Variants in SCAF8 observed in about 807,000 individuals in gnomAD.
SCAF8 encodes the protein SR-related and CTD-associated factor 8.
A neutral mutation model predicts 140.5 loss-of-function variants in SCAF8; 23 were observed. The observed-to-expected ratio is 0.16, with a 90% CI of 0.12 to 0.23. The LOEUF (loss-of-function observed/expected upper bound fraction) is 0.23. Ranked by LOEUF, SCAF8 falls within the 10% of genes least tolerant of loss-of-function variation. SCAF8 has a pLI of 1.00. For missense variants in SCAF8, 1,397 were observed against 1,555.7 expected (o/e 0.90, Z 1.72); for synonymous variants, 575 against 528.9 (o/e 1.09, Z -1.20).
chr6:154,765,165 T>C (rs1450758753), intron 1 of SCAF8, among the ~76,000 whole-genome samples: 1 of 152,218 alleles, frequency 6.6e-6, no homozygotes, highest in East Asian at 1.9e-4. Context: ...TTAGTTATAG[T>C]GTCATTCATA....
At chr6:154,785,450 C>A (rs1424192979) in intron 3 of SCAF8, among the ~76,000 whole-genome samples, 1 of 152,194 alleles carries the variant, frequency 6.6e-6, no homozygotes, top group Admixed American at 6.5e-5. Flanking sequence ...TTACTCTCTT[C>A]CTCGCAATGC....
At chr6:154,800,545 A>T (rs953131538) in intron 6 of SCAF8, among the ~76,000 whole-genome samples, 1 of 151,588 alleles carries the variant, frequency 6.6e-6, no homozygotes, top group Admixed American at 6.6e-5. Flanking sequence ...GGACTTTTTA[A>T]TGTTGAAGTC....
In SCAF8 at chr6:154,733,427, C is replaced by T. The variant is rs1200292696; in HGVS notation, c.-474C>T. On this transcript the variant is annotated 5_prime_UTR_variant, in exon 1 of 20. Coordinates refer to ENST00000367178, the MANE Select transcript of SCAF8 (RefSeq NM_014892.5). ...GACTCGAGTCCGCCATATTGGATGC[C>T]GCAGCCGCTGCTGCCAGCGCTTCCT... The T allele has an allele frequency of 1.8e-5, 25 of 1,403,034 alleles. No homozygotes were observed. The highest frequency in any genetic ancestry group is 2.0e-5 in the Non-Finnish European group (22 of 1,078,584). 86.9% of individuals were successfully genotyped at this position (1,403,034 alleles called of 1,614,324 possible).
At chr6:154,739,487 T>A (rs140689932) in intron 1 of SCAF8, among the ~76,000 whole-genome samples, 202 of 152,360 alleles carry the variant, frequency 1.3e-3, no homozygotes, top group Middle Eastern at 3.4e-3. Flanking sequence ...TTTCTCTTGC[T>A]GCTCTGAATA....
intron 12 of SCAF8, among the ~76,000 whole-genome samples, chr6:154,812,571 AG>A (rs1778128694): frequency 6.6e-6 from 1 of 152,160 alleles, no homozygotes; most frequent in Non-Finnish European, 1.5e-5. Context: ...ATTCAAAAGC[AG>A]TATCAATTTC....
chr6:154,751,547 C>G (rs1390149230), intron 1 of SCAF8, among the ~76,000 whole-genome samples: 1 of 152,028 alleles, frequency 6.6e-6, no homozygotes, highest in Non-Finnish European at 1.5e-5. Flanking sequence ...AATTTTAGAC[C>G]TGAAAGACAT....
chr6:154,790,703 G>A (rs1273604605), intron 4 of SCAF8, among the ~76,000 whole-genome samples: 1 of 151,426 alleles, frequency 6.6e-6, no homozygotes, highest in African/African-American at 2.4e-5. Context: ...GTAGAGACTG[G>A]GTTTCACCAT....
chr6:154,747,158 A>G (rs904150614), intron 1 of SCAF8, among the ~76,000 whole-genome samples: 1 of 152,166 alleles, frequency 6.6e-6, no homozygotes, highest in Non-Finnish European at 1.5e-5. Context: ...GTAGAGTATT[A>G]GTAAATATTT....
intron 3 of SCAF8, among the ~76,000 whole-genome samples, chr6:154,787,124 G>A (rs771234255): frequency 6.6e-6 from 1 of 152,234 alleles, no homozygotes; most frequent in Non-Finnish European, 1.5e-5. Flanking sequence ...GGAGATCTAG[G>A]CAGGAGGATT....
At chr6:154,823,974 T>C (rs1778492504) in intron 16 of SCAF8, among the ~76,000 whole-genome samples, 1 of 152,174 alleles carries the variant, frequency 6.6e-6, no homozygotes, top group Non-Finnish European at 1.5e-5. Flanking sequence ...TATTCAGTGT[T>C]GAACTAGGTG....
At chr6:154,770,369 T>C (rs1776702039) in intron 1 of SCAF8, among the ~76,000 whole-genome samples, 1 of 146,372 alleles carries the variant, frequency 6.8e-6, no homozygotes, top group African/African-American at 2.5e-5. Context: ...GAGGTTGAGG[T>C]ACACACACAC....
chr6:154,780,950 T>C (rs1777066025), intron 3 of SCAF8, among the ~76,000 whole-genome samples: 2 of 152,292 alleles, frequency 1.3e-5, no homozygotes, highest in South Asian at 4.1e-4. Context: ...ATTGCCACAC[T>C]GTCTTCCACA....
upstream of SCAF8, chr6:154,733,387 C>T: frequency 6.0e-6 from 8 of 1,343,694 alleles, no homozygotes; most frequent in East Asian, 3.1e-5. Context: ...CGCGGATCCC[C>T]GAACTGCGCG....
rs1778596449 is a variant in SCAF8 at position 154,827,375 on chromosome 6, A to G, written c.2140+135A>G. The G allele has an allele frequency of 1.6e-5, 10 of 621,908 alleles. No homozygotes were observed. The Admixed American group carries it at 3.2e-4, about 20-fold the overall frequency. The allele number at this position is 621,908 out of a possible 1,614,324, so 38.5% of individuals were successfully genotyped here. ...GACAAATGCATGTTAGATAATTTCT[A>G]AAATACGGTAAATGACAGTTCTTAT... is the stretch of plus-strand genomic sequence containing the variant. On this transcript the variant is annotated intron_variant, in intron 18 of 19. Transcript: ENST00000367178.
chr6:154,752,882 C>T (rs1038330716), intron 1 of SCAF8, among the ~76,000 whole-genome samples: 8 of 152,036 alleles, frequency 5.3e-5, no homozygotes, highest in Non-Finnish European at 8.8e-5. Flanking sequence ...CCACCATGCC[C>T]GGCCAGTATT....
At chr6:154,809,890 AT>A (rs1183147146) in intron 11 of SCAF8, 124 bp from the exon 12 acceptor site, 3 of 815,134 alleles carry the variant, frequency 3.7e-6, no homozygotes, top group Non-Finnish European at 6.1e-6. Flanking sequence ...ACTTCAGAAT[AT>A]TTTAACATAT....
At chr6:154,813,602 G>T (rs1321426604) in intron 12 of SCAF8, among the ~76,000 whole-genome samples, 1 of 152,124 alleles carries the variant, frequency 6.6e-6, no homozygotes, top group Non-Finnish European at 1.5e-5. Flanking sequence ...TGGTAGATTG[G>T]ATAATGGCCC....
chr6:154,763,313 T>G (rs907597128), intron 1 of SCAF8, among the ~76,000 whole-genome samples: 31 of 152,232 alleles, frequency 2.0e-4, no homozygotes, highest in Non-Finnish European at 4.0e-4. Flanking sequence ...GAAACTTTCA[T>G]GAAGTTTCTG....
At chr6:154,783,242 G>A (rs1257136485) in intron 3 of SCAF8, among the ~76,000 whole-genome samples, 1 of 151,754 alleles carries the variant, frequency 6.6e-6, no homozygotes, top group Admixed American at 6.6e-5. Flanking sequence ...GCCTTTTTTT[G>A]CATGAGTACT....
Sources: allele counts gnomAD v4.1 joint callset (sites outside exome capture counted in the v4.1 genomes callset), GRCh38; gene constraint gnomAD v4.1.1; transcripts MANE v1.5; gene names NCBI Gene and HGNC (gene_info 2026-07-23, HGNC 2026-07-21).